The following TRIM37 variants were observed in gnomAD, a reference collection of about 807,000 sequenced individuals.
TRIM37 encodes tripartite motif containing 37, also known as E3 ubiquitin-protein ligase TRIM37.
In TRIM37, 80 loss-of-function variants were observed where a neutral mutation model predicts 129.8. That is an observed-to-expected ratio of 0.62 (90% CI 0.51 to 0.74). TRIM37 has a LOEUF of 0.74. Among genes scored for constraint, TRIM37 ranks in the 30% least tolerant of loss-of-function variants. The probability of loss-of-function intolerance (pLI) is 0.00; values close to 1 mark genes in which losing one functional copy is unlikely to be tolerated. For synonymous variants in TRIM37, 389 were observed against 387.1 expected, an observed-to-expected ratio of 1.00 and a Z score of -0.06; for missense variants, 1,054 against 1,176.5, an observed-to-expected ratio of 0.90 and a Z score of 1.52.
At chr17:59,045,085 G>GCAAA (rs1232224420) in intron 16 of TRIM37, among the ~76,000 whole-genome samples, 3 of 152,024 alleles carry the variant, frequency 2.0e-5, no homozygotes, top group African/African-American at 7.2e-5. Context: ...CCAGCACTTT[G>GCAAA]GGAGGCCGAG....
intron 16 of TRIM37, among the ~76,000 whole-genome samples, chr17:59,045,567 A>G (rs2039698375): frequency 6.6e-6 from 1 of 150,622 alleles, no homozygotes; most frequent in Admixed American, 6.7e-5. Context: ...TGAACCCGGG[A>G]GGCGGAGGTT....
intron 24 of TRIM37, among the ~76,000 whole-genome samples, chr17:58,986,004 T>A (rs771121590): frequency 6.6e-6 from 1 of 152,096 alleles, no homozygotes; most frequent in Non-Finnish European, 1.5e-5. Flanking sequence ...ATTACTTAGA[T>A]CAAAAGGAAC....
rs2044254992 is a variant in TRIM37, at chr17:59,091,018, T to A, written c.164+282A>T. ...TTATGCCCTAACTATCTGGATTTTT[T>A]AACCAGAAACATTAAAAATTTGTTG... On this transcript the variant is annotated intron_variant, in intron 3 of 23. Transcript: ENST00000262294. Among the ~76,000 whole-genome samples, 7 of 152,270 alleles carry A rather than the reference T, an allele frequency of 4.6e-5. No homozygotes were observed. The South Asian group carries it at 1.5e-3, about 32-fold the overall frequency.
chr17:59,104,232 G>A (rs2045787382), intron 2 of TRIM37, 61 bp downstream of exon 2: 3 of 1,476,608 alleles, frequency 2.0e-6, no homozygotes, highest in South Asian at 2.3e-5. Context: ...TAAGGGAAAT[G>A]GTTAATCCTT....
downstream of TRIM37, chr17:58,980,867 A>C: frequency 5.0e-6 from 8 of 1,614,228 alleles, no homozygotes; most frequent in Non-Finnish European, 6.8e-6. The surrounding 1 kb of genome is among the most constrained non-coding windows in gnomAD (Gnocchi z 4.7). Context: ...CAAAATAGGC[A>C]CTAGCCTGTC....
At chr17:59,031,270 A>C (rs1196376213) in intron 18 of TRIM37, among the ~76,000 whole-genome samples, 1 of 152,230 alleles carries the variant, frequency 6.6e-6, no homozygotes, top group African/African-American at 2.4e-5. Context: ...TATATTTTTG[A>C]ATATACTGAC....
intron 2 of TRIM37, 29 bp downstream of exon 2, chr17:59,104,262 CTA>C (rs1247902595): frequency 3.2e-6 from 5 of 1,553,700 alleles, no homozygotes; most frequent in Non-Finnish European, 4.4e-6. Context: ...ACTATATATA[CTA>C]ACTGCATGTA....
At chr17:59,055,496 C>T (rs1353273816) in intron 13 of TRIM37, among the ~76,000 whole-genome samples, 4 of 151,750 alleles carry the variant, frequency 2.6e-5, no homozygotes, top group Non-Finnish European at 5.9e-5. Flanking sequence ...AGATCGAGAC[C>T]ATCCTGGCTA....
At chr17:59,079,628 G>GT in intron 7 of TRIM37, 126 bp downstream of exon 7, 3 of 1,193,852 alleles carry the variant, frequency 2.5e-6, no homozygotes, top group Non-Finnish European at 2.5e-6. Context: ...TGTCTAAATT[G>GT]TAACAACATG....
intron 15 of TRIM37, 47 bp downstream of exon 15, chr17:59,049,130 GT>G (rs368407781): frequency 6.7e-5 from 98 of 1,461,462 alleles, no homozygotes; most frequent in African/African-American, 1.4e-4. Flanking sequence ...TGATGCTACT[GT>G]TTTTTTTTAA....
At chr17:59,001,822 G>C in intron 22 of TRIM37, 108 bp from the exon 23 acceptor site, 4 of 1,450,874 alleles carry the variant, frequency 2.8e-6, no homozygotes, top group Non-Finnish European at 3.7e-6. Context: ...ATTTTACATG[G>C]AATGCCAAGA....
intron 17 of TRIM37, among the ~76,000 whole-genome samples, chr17:59,033,975 C>T (rs1396917650): frequency 6.6e-6 from 1 of 151,640 alleles, no homozygotes; most frequent in Non-Finnish European, 1.5e-5. Context: ...GGTGTGGTGG[C>T]AGGCACCTGT....
intron 2 of TRIM37, among the ~76,000 whole-genome samples, chr17:59,097,692 T>A (rs1001316887): frequency 6.6e-6 from 1 of 152,038 alleles, no homozygotes; most frequent in African/African-American, 2.4e-5. Flanking sequence ...CATGATCGCA[T>A]CACTGCACTC....
the TRIM37 span, among the ~76,000 whole-genome samples, chr17:58,973,951 CAAAAAAAAAA>C: frequency 3.1e-4 from 17 of 55,498 alleles, no homozygotes; most frequent in East Asian, 5.2e-4. Context: ...GACTCCATCT[CAAAAAAAAAA>C]AAAAAAAAAA....
At chr17:59,003,862 G>C (rs576614879) in intron 22 of TRIM37, among the ~76,000 whole-genome samples, 34 of 148,006 alleles carry the variant, frequency 2.3e-4, no homozygotes, top group Non-Finnish European at 4.0e-4. Flanking sequence ...GAGGCAGGAG[G>C]ATCGCTTGAG....
At chr17:59,094,725 C>T (rs912031618) in intron 2 of TRIM37, among the ~76,000 whole-genome samples, 2 of 151,694 alleles carry the variant, frequency 1.3e-5, no homozygotes, top group African/African-American at 4.8e-5. Flanking sequence ...GGGTTCCTGA[C>T]TGGAAAAGAA....
intron 2 of TRIM37, among the ~76,000 whole-genome samples, chr17:59,096,092 A>G (rs1220016991): frequency 3.3e-5 from 5 of 152,194 alleles, no homozygotes; most frequent in Admixed American, 1.3e-4. Context: ...TATGTCTACC[A>G]AAGAAAGGGA....
At chr17:59,034,029 C>T (rs551612763) in intron 17 of TRIM37, among the ~76,000 whole-genome samples, 3 of 151,658 alleles carry the variant, frequency 2.0e-5, no homozygotes, top group East Asian at 4.0e-4. Flanking sequence ...ATTGCTTGAA[C>T]CTGGGAGGCA....
intron 9 of TRIM37, among the ~76,000 whole-genome samples, chr17:59,069,771 C>T (rs2042213308): frequency 6.6e-6 from 1 of 152,096 alleles, no homozygotes. Flanking sequence ...ATAATTAAGG[C>T]TAAATGAGTT....
Sources: gnomAD v4.1 joint callset for allele counts (sites outside exome capture counted in the v4.1 genomes callset) on GRCh38, gnomAD v4.1.1 for gene constraint, Gnocchi (gnomAD v3.1) non-coding constraint, MANE v1.5 for transcripts, NCBI Gene and HGNC (gene_info 2026-07-23, HGNC 2026-07-21) for gene names.